The following CSMD1 variants were observed in gnomAD, a reference collection of about 807,000 sequenced individuals.
The protein encoded by CSMD1 is CUB and sushi domain-containing protein 1.
CSMD1 carries 213 observed loss-of-function variants against 417.5 expected under a neutral mutation model. The ratio of observed to expected loss-of-function variants is 0.51; its 90% CI spans 0.46 to 0.57. The LOEUF is 0.57. Ranked by LOEUF, CSMD1 falls within the 20% of genes least tolerant of loss-of-function variation. CSMD1 has a pLI of 0.00. For missense variants in CSMD1, 6,923 were observed against 4,529.7 expected (o/e 1.53, Z -15.17); for synonymous variants, 2,862 against 1,736.8 (o/e 1.65, Z -16.11).
chr8:3,845,083 G>A (rs1442433816), intron 5 of CSMD1, among the ~76,000 whole-genome samples: 1 of 152,148 alleles, frequency 6.6e-6, no homozygotes, highest in African/African-American at 2.4e-5. Context: ...AGTTTAAAAT[G>A]CATACATATA....
chr8:4,511,296 C>A (rs867439913), intron 2 of CSMD1, among the ~76,000 whole-genome samples: 3 of 152,126 alleles, frequency 2.0e-5, no homozygotes, highest in Admixed American at 2.0e-4. Flanking sequence ...GAGCACTCAG[C>A]CTCACCTCAT....
At chr8:4,907,903 A>T (rs1484314418) in intron 1 of CSMD1, among the ~76,000 whole-genome samples, 1 of 152,134 alleles carries the variant, frequency 6.6e-6, no homozygotes, top group African/African-American at 2.4e-5. Context: ...CATAACAAAA[A>T]ATTGTGTTTC....
chr8:4,286,647 A>G (rs1485286872), intron 3 of CSMD1, among the ~76,000 whole-genome samples: 1 of 152,190 alleles, frequency 6.6e-6, no homozygotes, highest in Non-Finnish European at 1.5e-5. Flanking sequence ...TTATCCTCCA[A>G]GAAAGGGGAT....
intron 12 of CSMD1, among the ~76,000 whole-genome samples, chr8:3,468,040 T>A (rs1250827162): frequency 1.3e-5 from 2 of 152,154 alleles, no homozygotes; most frequent in Non-Finnish European, 2.9e-5. Context: ...AAGGAACCAA[T>A]AAGATATTTT....
At chr8:4,355,237 G>A (rs1801353902) in intron 3 of CSMD1, among the ~76,000 whole-genome samples, 1 of 151,794 alleles carries the variant, frequency 6.6e-6, no homozygotes, top group East Asian at 1.9e-4. Context: ...ACTCCAGCCT[G>A]GGTAAGAAAC....
intron 3 of CSMD1, among the ~76,000 whole-genome samples, chr8:4,378,066 A>G (rs1482043595): frequency 1.3e-5 from 2 of 152,248 alleles, no homozygotes; most frequent in African/African-American, 4.8e-5. Context: ...TACTCATTCA[A>G]TTACAGACTC....
chr8:4,501,117 G>C (rs1370489126), intron 2 of CSMD1, among the ~76,000 whole-genome samples: 1 of 152,044 alleles, frequency 6.6e-6, no homozygotes, highest in Non-Finnish European at 1.5e-5. Context: ...AAGAAAAGGA[G>C]TATCATGACA....
chr8:4,193,734 G>T lies in CSMD1; in HGVS notation c.416-161635C>A, dbSNP rs79329124. Among the ~76,000 whole-genome samples the T allele has an allele frequency of 3.3e-4, 50 of 152,238 alleles. No homozygotes were observed. In the South Asian group the frequency reaches 9.8e-3, roughly 30 times the overall value. ...GCGCAGGAACCACGTCTCCACAGGA[G>T]AATGTTTAACAAGTGATTTTGGCTG... On this transcript the variant is annotated intron_variant, in intron 3 of 69. Coordinates refer to ENST00000635120, the MANE Select transcript of CSMD1 (RefSeq NM_033225.6).
intron 50 of CSMD1, among the ~76,000 whole-genome samples, chr8:3,033,250 T>A (rs1810463326): frequency 6.6e-6 from 1 of 152,120 alleles, no homozygotes; most frequent in Admixed American, 6.6e-5. Flanking sequence ...GCAAATTTCC[T>A]ATTAATATAC....
At position 3,964,164 on chromosome 8, in the gene CSMD1, C is replaced by A. The variant is rs183795519; in HGVS notation, c.818+33739G>T. Among the ~76,000 whole-genome samples the A allele has an allele frequency of 6.4e-3, 978 of 152,264 alleles. 4 individuals are homozygous for A. The highest frequency in any genetic ancestry group is 0.011 in the Non-Finnish European group (775 of 68,032). On this transcript the variant is annotated intron_variant, in intron 5 of 69. Transcript: ENST00000635120. ...ACCCAAGAGGGTGAAGACCAATTTT[C>A]ATCTTAACAAGTAAACATTAAAGGC...
chr8:3,631,656 G>C (rs559159397), intron 7 of CSMD1, among the ~76,000 whole-genome samples: 1 of 152,206 alleles, frequency 6.6e-6, no homozygotes, highest in Non-Finnish European at 1.5e-5. Flanking sequence ...AGCCAGTCCA[G>C]CTCAGGTGGA....
chr8:3,895,018 C>A (rs552703559), intron 5 of CSMD1, among the ~76,000 whole-genome samples: 2 of 151,978 alleles, frequency 1.3e-5, no homozygotes, highest in African/African-American at 4.8e-5. Context: ...TTAGTGGAGG[C>A]CATTTGTGAG....
chr8:3,859,796 G>A (rs1804570146), intron 5 of CSMD1, among the ~76,000 whole-genome samples: 1 of 152,154 alleles, frequency 6.6e-6, no homozygotes, highest in Non-Finnish European at 1.5e-5. Context: ...AGAGGTCAAT[G>A]CATCCTGATT....
chr8:4,546,332 C>T (rs1797630691), intron 2 of CSMD1, among the ~76,000 whole-genome samples: 2 of 152,132 alleles, frequency 1.3e-5, no homozygotes, highest in Non-Finnish European at 2.9e-5. Flanking sequence ...GTCAACTTCA[C>T]TGGGGTAAGG....
Position 4,079,523 on chromosome 8 carries a change from C to A in CSMD1, c.416-47424G>T, listed in dbSNP as rs535278622. On this transcript the variant is annotated intron_variant, in intron 3 of 69. Transcript: ENST00000635120. ...CCTATTGAAACAATGAAGACAGCTG[C>A]ACATCTGATGCCAAAACACTGAAGA... 1.2e-4 allele frequency among the ~76,000 whole-genome samples: 19 copies of A among 152,290 alleles called. No homozygotes were observed. The South Asian group carries it at 2.3e-3, about 18-fold the overall frequency.
chr8:3,855,201 C>G (rs150401728), intron 5 of CSMD1, among the ~76,000 whole-genome samples: 1 of 152,122 alleles, frequency 6.6e-6, no homozygotes, highest in Non-Finnish European at 1.5e-5. Flanking sequence ...ATTATTAAAA[C>G]TAATGGACAA....
At chr8:4,558,888 T>G (rs967841239) in intron 2 of CSMD1, among the ~76,000 whole-genome samples, 1 of 150,812 alleles carries the variant, frequency 6.6e-6, no homozygotes, top group Non-Finnish European at 1.5e-5. Flanking sequence ...AATAAATAAA[T>G]CAAATCAAAA....
At chr8:3,114,540 T>C (rs1329659336) in intron 42 of CSMD1, among the ~76,000 whole-genome samples, 2 of 151,696 alleles carry the variant, frequency 1.3e-5, no homozygotes, top group African/African-American at 2.4e-5. Flanking sequence ...ACCAGAGTTA[T>C]TCCTGCCATC....
chr8:3,110,319 G>T lies in CSMD1; in HGVS notation c.6447C>A (p.Asn2149Lys), dbSNP rs753995950. The T allele has an allele frequency of 6.2e-7, 1 of 1,610,694 alleles. No individual in the cohort carries two copies. The highest frequency in any genetic ancestry group is 8.5e-7 in the Non-Finnish European group (1 of 1,178,598). ...FPRCDAPCGY[N>K]VTSQNGTIYS... The stretch of plus-strand genomic sequence containing the variant: ...AGATGGTGCCGTTCTGAGAAGTTAC[G>T]TTGTACCCACAAGGGGCTGCAAAGG... The change falls in exon 43 of 70, where the codon AAC (asparagine) becomes AAA (lysine). Residue 2149 changes from asparagine to lysine, a missense_variant. Coordinates refer to ENST00000635120, the MANE Select transcript of CSMD1 (RefSeq NM_033225.6).
Sources: gnomAD v4.1 joint callset for allele counts (sites outside exome capture counted in the v4.1 genomes callset) on GRCh38, gnomAD v4.1.1 for gene constraint, MANE v1.5 for transcripts, NCBI Gene and HGNC (gene_info 2026-07-23, HGNC 2026-07-21) for gene names.